The following AVL9 variants were observed in gnomAD, a reference collection of about 807,000 sequenced individuals.
AVL9 encodes late secretory pathway protein AVL9 homolog.
A neutral mutation model predicts 79.2 loss-of-function variants in AVL9; 49 were observed. That is an observed-to-expected ratio of 0.62 (90% CI 0.49 to 0.79). AVL9 has a LOEUF of 0.79. Among genes scored for constraint, AVL9 ranks in the 30% least tolerant of loss-of-function variants. The pLI is 0.00. For missense variants in AVL9, 682 were observed against 776.8 expected (o/e 0.88, Z 1.45); for synonymous variants, 299 against 280.6 (o/e 1.07, Z -0.65).
In AVL9 at chr7:32,580,856, T is replaced by C; in HGVS notation, c.1797T>C (p.Thr599=). 6.2e-7 allele frequency: 1 copy of C among 1,613,968 alleles called. No individual in the cohort carries two copies. Among genetic ancestry groups the C allele is most frequent in the Non-Finnish European group, 8.5e-7 (1 of 1,179,920 alleles). ...AAATTGGAAACGTCATGGTCACAAC[T>C]AGCCGGAATGTTGTACAAACAGGAA... ...GKKIGNVMVT[T]SRNVVQTGKA... is the part of the protein sequence containing the mutation. Residue 599 remains threonine (T), a synonymous_variant, in exon 15 of 16, where the codon ACT becomes ACC. Transcript: ENST00000318709.
At chr7:32,582,059 T>A (rs147566324) in intron 15 of AVL9, among the ~76,000 whole-genome samples, 1 of 152,224 alleles carries the variant, frequency 6.6e-6, no homozygotes, top group African/African-American at 2.4e-5. Context: ...CTTAAAATAT[T>A]TTGAATATTG....
At chr7:32,564,502 G>A (rs1276939895) in intron 10 of AVL9, among the ~76,000 whole-genome samples, 6 of 152,090 alleles carry the variant, frequency 3.9e-5, no homozygotes, top group Non-Finnish European at 7.4e-5. Flanking sequence ...TGGGTGCCTG[G>A]GGAATATTGC....
chr7:32,508,431 TTG>T (rs1787509359), intron 1 of AVL9, among the ~76,000 whole-genome samples: 2 of 131,300 alleles, frequency 1.5e-5, no homozygotes, highest in African/African-American at 5.2e-5. Context: ...AATTTTAATA[TTG>T]TGTTTTTTAA....
intron 10 of AVL9, among the ~76,000 whole-genome samples, chr7:32,561,044 A>T (rs1790309464): frequency 6.6e-6 from 1 of 152,218 alleles, no homozygotes; most frequent in Admixed American, 6.5e-5. Flanking sequence ...GCTGTCATCC[A>T]GGCTTTGTTT....
chr7:32,513,920 G>A (rs1787797321), intron 1 of AVL9, among the ~76,000 whole-genome samples: 1 of 152,188 alleles, frequency 6.6e-6, no homozygotes, highest in African/African-American at 2.4e-5. Flanking sequence ...GTGCCTGGAT[G>A]TGCACATAGG....
Position 32,543,232 on chromosome 7 carries a change from T to A in AVL9, c.185T>A (p.Leu62Ter). Residue 62 changes from leucine to a stop codon, truncating the protein, a stop_gained, in exon 2 of 16, where the codon TTA becomes TAA. Coordinates refer to ENST00000318709, the MANE Select transcript of AVL9 (RefSeq NM_015060.3). LOFTEE classifies it high-confidence loss of function. ...EEWKYLPFLA[L>*]PDGAHNYQED... Reference sequence around the variant, plus strand: ...TGGAAGTATTTGCCCTTCCTTGCCTTACCAGATGGCGCACACAACTACCAG... The same window carrying A: ...TGGAAGTATTTGCCCTTCCTTGCCTAACCAGATGGCGCACACAACTACCAG... 6.2e-7 allele frequency: 1 copy of A among 1,614,204 alleles called. No individual in the cohort carries two copies. Among genetic ancestry groups the A allele is most frequent in the Non-Finnish European group, 8.5e-7 (1 of 1,180,028 alleles).
chr7:32,505,541 A>G (rs1265835006), intron 1 of AVL9, among the ~76,000 whole-genome samples: 1 of 152,060 alleles, frequency 6.6e-6, no homozygotes, highest in Admixed American at 6.6e-5. Context: ...AAAAAGAAAG[A>G]AAGAAACCCT....
chr7:32,501,525 G>A (rs1787125461), intron 1 of AVL9, among the ~76,000 whole-genome samples: 2 of 152,092 alleles, frequency 1.3e-5, no homozygotes, highest in African/African-American at 4.8e-5. Context: ...CATGCTTTTT[G>A]TATATGCTGA....
intron 3 of AVL9, among the ~76,000 whole-genome samples, chr7:32,545,436 A>G (rs558651398): frequency 7.2e-6 from 1 of 139,612 alleles, no homozygotes; most frequent in Non-Finnish European, 1.5e-5. Flanking sequence ...CAGTGGCACA[A>G]TCTTGGCTCA....
At chr7:32,543,387 A>G (rs1789307273) in intron 2 of AVL9, 126 bp downstream of exon 2, 3 of 1,204,326 alleles carry the variant, frequency 2.5e-6, no homozygotes, top group Non-Finnish European at 2.3e-6. Flanking sequence ...AAATATTTAC[A>G]TGCTTGTTTG....
chr7:32,497,665 T>A (rs1329281272), intron 1 of AVL9, among the ~76,000 whole-genome samples: 1 of 151,674 alleles, frequency 6.6e-6, no homozygotes, highest in African/African-American at 2.4e-5. Flanking sequence ...TTTTTTTTTT[T>A]TTTTTCTTCA....
chr7:32,520,121 C>G lies in AVL9; in HGVS notation c.94-23020C>G, dbSNP rs182006208. On this transcript the variant is annotated intron_variant, in intron 1 of 15. Transcript: ENST00000318709. ...GGACACAGTGCGAAACCATATCATT[C>G]ACAAATAACAATACATGGATAAAAA... is the stretch of plus-strand genomic sequence containing the variant. Among the ~76,000 whole-genome samples the G allele has an allele frequency of 8.9e-4, 136 of 152,224 alleles. 2 individuals carry two copies. The East Asian group carries it at 0.022, about 25-fold the overall frequency.
At chr7:32,520,722 G>A (rs940109462) in intron 1 of AVL9, among the ~76,000 whole-genome samples, 4 of 152,086 alleles carry the variant, frequency 2.6e-5, no homozygotes, top group African/African-American at 9.7e-5. Context: ...CTTTTACATG[G>A]GTACCCCTCC....
At chr7:32,528,382 T>G (rs1788494377) in intron 1 of AVL9, among the ~76,000 whole-genome samples, 1 of 152,210 alleles carries the variant, frequency 6.6e-6, no homozygotes, top group African/African-American at 2.4e-5. Flanking sequence ...AAAATAAACT[T>G]TCTAAATTGA....
At chr7:32,504,842 C>T (rs1787333501) in intron 1 of AVL9, among the ~76,000 whole-genome samples, 1 of 152,090 alleles carries the variant, frequency 6.6e-6, no homozygotes, top group Non-Finnish European at 1.5e-5. Context: ...TCCTCAAAAC[C>T]TATGAACTCT....
intron 10 of AVL9, among the ~76,000 whole-genome samples, chr7:32,561,257 A>G (rs970636340): frequency 6.6e-6 from 1 of 152,244 alleles, no homozygotes; most frequent in Non-Finnish European, 1.5e-5. Context: ...TCTTCTTCCA[A>G]TAGAAAGCTG....
At chr7:32,507,730 G>A (rs530824280) in intron 1 of AVL9, among the ~76,000 whole-genome samples, 7 of 152,270 alleles carry the variant, frequency 4.6e-5, no homozygotes, top group African/African-American at 1.2e-4. Context: ...CTTGGTGCAC[G>A]TGTGCAAATC....
At chr7:32,529,350 T>C (rs1473821883) in intron 1 of AVL9, among the ~76,000 whole-genome samples, 1 of 152,224 alleles carries the variant, frequency 6.6e-6, no homozygotes, top group African/African-American at 2.4e-5. Flanking sequence ...GGGTCCCTTC[T>C]GATTGGTTGC....
chr7:32,558,715 C>G, intron 9 of AVL9, 87 bp downstream of exon 9: 11 of 1,225,104 alleles, frequency 9.0e-6, no homozygotes, highest in African/African-American at 1.5e-5. Flanking sequence ...AAGATAAATT[C>G]GTTAGGGTTA....
Sources: gnomAD v4.1 joint callset for allele counts (sites outside exome capture counted in the v4.1 genomes callset) on GRCh38, gnomAD v4.1.1 for gene constraint, MANE v1.5 for transcripts, NCBI Gene and HGNC (gene_info 2026-07-23, HGNC 2026-07-21) for gene names.